Variants in HPSE2 observed in about 807,000 individuals in gnomAD.
The protein encoded by HPSE2 is inactive heparanase-2.
HPSE2 carries 38 observed loss-of-function variants against 60.5 expected under a neutral mutation model. The ratio of observed to expected loss-of-function variants is 0.63; its 90% CI spans 0.48 to 0.82. The LOEUF is 0.82. Ranked by LOEUF, HPSE2 falls within the 40% of genes least tolerant of loss-of-function variation. The probability of loss-of-function intolerance (pLI) is 0.00; values close to 1 mark genes in which losing one functional copy is unlikely to be tolerated. For synonymous variants in HPSE2, 295 were observed against 293.2 expected, an observed-to-expected ratio of 1.01 and a Z score of -0.06; for missense variants, 713 against 740.4, an observed-to-expected ratio of 0.96 and a Z score of 0.43.
At chr10:98,599,763 A>C (rs1945346159) in intron 9 of HPSE2, among the ~76,000 whole-genome samples, 1 of 152,134 alleles carries the variant, frequency 6.6e-6, no homozygotes, top group African/African-American at 2.4e-5. Context: ...AGGTGCTATA[A>C]TATTTCACCT....
At chr10:98,742,266 A>G (rs1015598612) in intron 4 of HPSE2, among the ~76,000 whole-genome samples, 2 of 152,196 alleles carry the variant, frequency 1.3e-5, no homozygotes, top group African/African-American at 4.8e-5. Flanking sequence ...GAGAAAGAGG[A>G]AAGAAACTGA....
chr10:99,143,454 C>A (rs1187383700), intron 3 of HPSE2, among the ~76,000 whole-genome samples: 1 of 152,046 alleles, frequency 6.6e-6, no homozygotes, highest in Non-Finnish European at 1.5e-5. Flanking sequence ...TATTCATAAA[C>A]AAGGGAAAAC....
At chr10:98,772,108 T>C (rs1290602520) in intron 3 of HPSE2, among the ~76,000 whole-genome samples, 2 of 152,100 alleles carry the variant, frequency 1.3e-5, no homozygotes, top group Non-Finnish European at 2.9e-5. Context: ...GGCAAAGCAA[T>C]AGAGCCTTAG....
chr10:99,311,351 G>A, the HPSE2 span, among the ~76,000 whole-genome samples: 1 of 152,158 alleles, frequency 6.6e-6, no homozygotes, highest in East Asian at 1.9e-4. Flanking sequence ...AAGGTTTGTG[G>A]CAATCCTGCA....
At chr10:99,150,325 C>G (rs1288575309) in intron 2 of HPSE2, among the ~76,000 whole-genome samples, 4 of 152,048 alleles carry the variant, frequency 2.6e-5, no homozygotes, top group Non-Finnish European at 5.9e-5. Context: ...GACTGGCAGA[C>G]CAGCCAAAAA....
At chr10:99,217,219 G>A (rs1250998924) in intron 2 of HPSE2, among the ~76,000 whole-genome samples, 1 of 149,028 alleles carries the variant, frequency 6.7e-6, no homozygotes, top group Admixed American at 6.7e-5. Context: ...CTTTGCTGTT[G>A]CAAACTTCCA....
chr10:99,232,237 A>G, intron 2 of HPSE2, 111 bp downstream of exon 2: 1 of 1,292,204 alleles, frequency 7.7e-7, no homozygotes, highest in Non-Finnish European at 1.1e-6. Context: ...ACACACACAC[A>G]CACACACACA....
At chr10:98,774,324 T>G (rs1429114614) in intron 3 of HPSE2, among the ~76,000 whole-genome samples, 2 of 152,020 alleles carry the variant, frequency 1.3e-5, no homozygotes, top group Non-Finnish European at 1.5e-5. Context: ...GCTCCATATA[T>G]CAAGCAGAAA....
At chr10:98,899,758 CTTTTTT>C (rs61080994) in intron 3 of HPSE2, among the ~76,000 whole-genome samples, 25 of 118,340 alleles carry the variant, frequency 2.1e-4, no homozygotes, top group Admixed American at 2.6e-4. Flanking sequence ...TTGGCAGTGT[CTTTTTT>C]TTTTTTTTTT....
At chr10:99,096,198 T>TA (rs888248834) in intron 3 of HPSE2, among the ~76,000 whole-genome samples, 1 of 152,314 alleles carries the variant, frequency 6.6e-6, no homozygotes, top group African/African-American at 2.4e-5. Flanking sequence ...TCCTCTTCAT[T>TA]AAAAATAAAT....
intron 3 of HPSE2, among the ~76,000 whole-genome samples, chr10:99,116,379 A>C (rs1216275965): frequency 1.3e-5 from 2 of 152,224 alleles, no homozygotes; most frequent in African/African-American, 4.8e-5. Flanking sequence ...ATATTTTTAC[A>C]GTCTATCTTA....
At chr10:99,213,637 G>A (rs1272743937) in intron 2 of HPSE2, among the ~76,000 whole-genome samples, 3 of 150,122 alleles carry the variant, frequency 2.0e-5, no homozygotes, top group Non-Finnish European at 3.0e-5. Flanking sequence ...CTGGGTTCAC[G>A]TTTTTAGAAA....
At chr10:98,728,768 TA>T (rs1476275248) in intron 4 of HPSE2, among the ~76,000 whole-genome samples, 1 of 151,978 alleles carries the variant, frequency 6.6e-6, no homozygotes, top group African/African-American at 2.4e-5. Context: ...AGCACTTTGC[TA>T]GGCTGAGGTG....
intron 3 of HPSE2, among the ~76,000 whole-genome samples, chr10:99,052,501 T>C (rs1227110345): frequency 6.6e-6 from 1 of 151,280 alleles, no homozygotes; most frequent in Non-Finnish European, 1.5e-5. Flanking sequence ...GGGGGGAAAT[T>C]ATGAAAAAAA....
intron 3 of HPSE2, among the ~76,000 whole-genome samples, chr10:99,003,871 GA>G (rs1268151338): frequency 6.6e-6 from 1 of 151,844 alleles, no homozygotes; most frequent in Non-Finnish European, 1.5e-5. Context: ...CTATGCTTTT[GA>G]GGTCATGCAA....
intron 9 of HPSE2, among the ~76,000 whole-genome samples, chr10:98,498,542 A>G (rs1013910207): frequency 2.6e-5 from 4 of 152,164 alleles, no homozygotes; most frequent in African/African-American, 9.6e-5. Flanking sequence ...GCCTACCCAA[A>G]TGAGAAGCAA....
At chr10:99,167,286 A>T (rs1589762812) in intron 2 of HPSE2, among the ~76,000 whole-genome samples, 1 of 152,260 alleles carries the variant, frequency 6.6e-6, no homozygotes, top group South Asian at 2.1e-4. Flanking sequence ...TGGGATTACA[A>T]GCATGAGCCA....
chr10:98,586,985 T>C lies in HPSE2; in HGVS notation c.1320+27919A>G, dbSNP rs564971324. On this transcript the variant is annotated intron_variant, in intron 9 of 11. Coordinates refer to ENST00000370552, the MANE Select transcript of HPSE2 (RefSeq NM_021828.5). ...TTTGTAAACTTCCTGTCTTCTTAAGTAAATATGATCAACCTCAGCAGGAGA... is the reference window on the plus strand; with the variant it reads ...TTTGTAAACTTCCTGTCTTCTTAAGCAAATATGATCAACCTCAGCAGGAGA... Among the ~76,000 whole-genome samples the C allele has an allele frequency of 2.6e-5, 4 of 152,342 alleles. No homozygotes were observed. In the South Asian group the frequency reaches 8.3e-4, roughly 32 times the overall value.
intron 2 of HPSE2, among the ~76,000 whole-genome samples, chr10:99,172,595 T>TAGTA (rs1847354059): frequency 6.6e-6 from 1 of 152,112 alleles, no homozygotes; most frequent in Non-Finnish European, 1.5e-5. Flanking sequence ...TGAAACAATA[T>TAGTA]AGTAAGTACT....
Sources: gnomAD v4.1 joint callset for allele counts (sites outside exome capture counted in the v4.1 genomes callset) on GRCh38, gnomAD v4.1.1 for gene constraint, MANE v1.5 for transcripts, NCBI Gene and HGNC (gene_info 2026-07-23, HGNC 2026-07-21) for gene names.